The following RIF1 variants were observed in gnomAD, a reference collection of about 807,000 sequenced individuals.
The protein encoded by RIF1 is replication timing regulatory factor 1, also known as telomere-associated protein RIF1.
A neutral mutation model predicts 247.1 loss-of-function variants in RIF1; 45 were observed. That is an observed-to-expected ratio of 0.18 (90% confidence interval 0.14 to 0.23). RIF1 has a LOEUF of 0.23. Ranked by LOEUF, RIF1 falls within the 10% of genes least tolerant of loss-of-function variation. RIF1 has a pLI of 1.00. For synonymous variants in RIF1, 1,087 were observed against 978.8 expected (o/e 1.11, Z -2.06); for missense variants, 2,967 against 2,862.5 (o/e 1.04, Z -0.83).
chr2:151,529,586 A>G, the RIF1 span, among the ~76,000 whole-genome samples: 29 of 151,694 alleles, frequency 1.9e-4, no homozygotes, highest in Middle Eastern at 3.4e-3. Context: ...GCTGGAGTAC[A>G]ATGGTGTGAT....
At position 151,436,888 on chromosome 2, in the gene RIF1, T is replaced by C; in HGVS notation, c.1257T>C (p.Gly419=). The part of the protein sequence containing the change: ...TPRMNLSSNL[G]GMATIPSIQL... Reference sequence around the variant, plus strand: ...GAATGAACCTGAGTTCGAATTTAGGTGGAATGGCCACAATCCCATCCATTC... The same window carrying C: ...GAATGAACCTGAGTTCGAATTTAGGCGGAATGGCCACAATCCCATCCATTC... The change falls in exon 12 of 36, where the codon GGT becomes GGC. Residue 419 remains glycine, a synonymous_variant. Coordinates refer to ENST00000444746, the MANE Select transcript of RIF1 (RefSeq NM_018151.5). The C allele has an allele frequency of 6.2e-7, 1 of 1,613,202 alleles. No individual in the cohort carries two copies. The highest frequency in any genetic ancestry group is 8.5e-7 in the Non-Finnish European group (1 of 1,179,622).
downstream of RIF1, among the ~76,000 whole-genome samples, chr2:151,512,019 C>CTTTTTTTT (rs71403173): frequency 3.2e-5 from 3 of 93,568 alleles, no homozygotes; most frequent in Admixed American, 1.4e-4. Context: ...CCCTCTCACT[C>CTTTTTTTT]TTTTTTTTTT....
exon 11 of RIF1, chr2:151,499,516 C>A: frequency 1.6e-6 from 1 of 635,472 alleles, no homozygotes; most frequent in Non-Finnish European, 2.8e-6. Context: ...AACAAGTCAA[C>A]CTCTCTGTTC....
chr2:151,465,561 C>T lies in RIF1; in HGVS notation c.6041C>T (p.Thr2014Met), dbSNP rs777076338. Residue 2014 changes from threonine to methionine, a missense_variant, in exon 30 of 36, where the codon ACG becomes ATG. By Grantham distance (81) the Thr-to-Met change is moderately conservative. Coordinates refer to ENST00000444746, the MANE Select transcript of RIF1 (RefSeq NM_018151.5). The part of the protein sequence containing the change: ...DVSDLHSSEE[T>M]NTKMKNNEEM... Reference sequence around the variant, plus strand: ...TCTGATCTACACTCATCTGAAGAAACGAATACCAAAATGAAAAATAATGAA... The same window carrying T: ...TCTGATCTACACTCATCTGAAGAAATGAATACCAAAATGAAAAATAATGAA... 34 of 1,613,662 alleles carry T rather than the reference C, an allele frequency of 2.1e-5. No individual in the cohort carries two copies. The highest frequency in any genetic ancestry group is 3.3e-5 in the Admixed American group (2 of 59,964).
At chr2:151,442,767 A>ATTTTTTTT (rs59128582) in intron 16 of RIF1, among the ~76,000 whole-genome samples, 1 of 104,058 alleles carries the variant, frequency 9.6e-6, no homozygotes, top group East Asian at 3.1e-4. Context: ...AAAGAGCTTG[A>ATTTTTTTT]TTTTTTTTTT....
chr2:151,441,786 T>G (rs1692334258), intron 15 of RIF1, 119 bp from the exon 16 acceptor site: 1 of 484,236 alleles, frequency 2.1e-6, no homozygotes, highest in South Asian at 2.7e-5. Flanking sequence ...CTAATGAGAT[T>G]ATATTTACGT....
intron 3 of RIF1, among the ~76,000 whole-genome samples, chr2:151,414,263 G>A (rs1686798485): frequency 6.7e-6 from 1 of 149,146 alleles, no homozygotes; most frequent in Non-Finnish European, 1.5e-5. Flanking sequence ...TCCAGCCTGG[G>A]CAACAAGAGC....
intron 4 of RIF1, among the ~76,000 whole-genome samples, chr2:151,416,072 C>T (rs1386139804): frequency 6.6e-6 from 1 of 152,190 alleles, no homozygotes; most frequent in Non-Finnish European, 1.5e-5. Flanking sequence ...TGCACTGTTG[C>T]TCCATAGTTA....
rs2048785785 is a variant in RIF1 at position 151,474,047 on chromosome 2, A to G, written c.7179A>G (p.Ser2393=). The G allele has an allele frequency of 6.5e-7, 1 of 1,549,702 alleles. No homozygotes were observed. The highest frequency in any genetic ancestry group is 1.4e-5 in the African/African-American group (1 of 73,342). Residue 2393 remains serine (S), a synonymous_variant, in exon 35 of 36, where the codon TCA becomes TCG. Transcript: ENST00000444746. The part of the protein sequence containing the change: ...TVNGIENKSL[S]PDEERLVSDI... Reference sequence around the variant, plus strand: ...ATGGAATAGAAAATAAATCTTTGTCACCTGATGAAGAAAGACTTGTCTCAG... The same window carrying G: ...ATGGAATAGAAAATAAATCTTTGTCGCCTGATGAAGAAAGACTTGTCTCAG...
At position 151,433,231 on chromosome 2, in the gene RIF1, A is replaced by G. The variant is rs1333942346; in HGVS notation, c.1077+3A>G. On this transcript the variant is annotated splice_donor_region_variant and intron_variant, in intron 10 of 35. Transcript: ENST00000444746. ...ATCTTCCTGCTAATTTTGAACAGGT[A>G]ACATTACAAGTGTTGACTATAGCAC... 6.2e-7 allele frequency: 1 copy of G among 1,608,920 alleles called. No individual in the cohort carries two copies. Among genetic ancestry groups the G allele is most frequent in the South Asian group, 1.1e-5 (1 of 90,826 alleles).
At chr2:151,452,244 C>T (rs956409479) in intron 21 of RIF1, among the ~76,000 whole-genome samples, 14 of 152,048 alleles carry the variant, frequency 9.2e-5, no homozygotes, top group African/African-American at 3.4e-4. Context: ...TAACAAGTTG[C>T]GTGATTTTTA....
chr2:151,466,388 G>A (rs116294835), intron 30 of RIF1, among the ~76,000 whole-genome samples: 1 of 152,112 alleles, frequency 6.6e-6, no homozygotes, highest in Admixed American at 6.6e-5. Flanking sequence ...AATTGATAAG[G>A]CTCCTAGCAT....
At chr2:151,473,372 C>G (rs895972568) in intron 34 of RIF1, among the ~76,000 whole-genome samples, 8 of 149,184 alleles carry the variant, frequency 5.4e-5, no homozygotes, top group African/African-American at 2.0e-4. Flanking sequence ...TCTCGGCCCA[C>G]TGCAGCTGCA....
At chr2:151,427,721 C>CACCAGCCTG (rs1689367426) in intron 8 of RIF1, among the ~76,000 whole-genome samples, 1 of 148,672 alleles carries the variant, frequency 6.7e-6, no homozygotes, top group Non-Finnish European at 1.5e-5. Context: ...AGTAGTTAGT[C>CACCAGCCTG]ACCAGCCTGG....
chr2:151,488,407 G>A (rs188721359), intron 9 of RIF1, among the ~76,000 whole-genome samples: 34 of 151,342 alleles, frequency 2.2e-4, no homozygotes, highest in African/African-American at 8.0e-4. Context: ...AGCATTTTAG[G>A]AGGCCAAAGC....
At chr2:151,515,458 C>G in the RIF1 span, among the ~76,000 whole-genome samples, 3 of 152,158 alleles carry the variant, frequency 2.0e-5, no homozygotes, top group Non-Finnish European at 4.4e-5. Flanking sequence ...AGTGAGCCTC[C>G]TGCCTCAGCC....
downstream of RIF1, chr2:151,485,869 C>G: frequency 6.2e-7 from 1 of 1,613,970 alleles, no homozygotes; most frequent in Non-Finnish European, 8.5e-7. Context: ...GATGGCATCT[C>G]CATCCTTGAA....
At chr2:151,496,780 G>A (rs115826291) in intron 10 of RIF1, among the ~76,000 whole-genome samples, 1 of 152,264 alleles carries the variant, frequency 6.6e-6, no homozygotes, top group Non-Finnish European at 1.5e-5. Flanking sequence ...TATGGAAATG[G>A]TGTTAGGCTA....
In RIF1 at chr2:151,481,301, T is replaced by G. The variant is rs564507425; in HGVS notation, c.*6230T>G. On this transcript the variant is annotated 3_prime_UTR_variant, in exon 36 of 36. Transcript: ENST00000444746. The stretch of plus-strand genomic sequence containing the variant: ...TTTCCAGAATGGCTTCTCCTGATTT[T>G]ACTTACGTGTTTTACTATTGCTCAA... The G allele has an allele frequency of 6.6e-6, 1 of 152,376 alleles. No individual in the cohort carries two copies. Among genetic ancestry groups the G allele is most frequent in the African/African-American group, 2.4e-5 (1 of 41,588 alleles). 9.4% of individuals were successfully genotyped at this position (152,376 alleles called of 1,614,324 possible).
Sources: allele counts gnomAD v4.1 joint callset (sites outside exome capture counted in the v4.1 genomes callset), GRCh38; gene constraint gnomAD v4.1.1; transcripts MANE v1.5; gene names NCBI Gene and HGNC (gene_info 2026-07-23, HGNC 2026-07-21).